Variants in MARCO observed in about 807,000 individuals in gnomAD.
MARCO encodes the protein macrophage receptor MARCO.
In MARCO, 72 loss-of-function variants were observed where a neutral mutation model predicts 70.0. The observed-to-expected ratio is 1.03, with a 90% CI of 0.85 to 1.25. The LOEUF (loss-of-function observed/expected upper bound fraction) is 1.25, where lower values mean the gene tolerates loss of function less well. Among genes scored for constraint, MARCO ranks in the 50% most tolerant of loss-of-function variants. The pLI is 0.00. For synonymous variants in MARCO, 273 were observed against 243.1 expected, an observed-to-expected ratio of 1.12 and a Z score of -1.14; for missense variants, 696 against 659.3, an observed-to-expected ratio of 1.06 and a Z score of -0.61.
chr2:118,953,047 TCCTATGTCCGTTGG>T (rs1679755061), intron 1 of MARCO: 1 of 152,292 alleles, frequency 6.6e-6, no homozygotes, highest in Admixed American at 6.5e-5. Flanking sequence ...TTGCTGCGTG[TCCTATGTCCGTTGG>T]CTGGAGCAGG....
intron 1 of MARCO, among the ~76,000 whole-genome samples, chr2:118,967,501 G>T (rs533263310): frequency 6.0e-4 from 91 of 152,248 alleles, no homozygotes; most frequent in Non-Finnish European, 1.0e-3. Flanking sequence ...GTTATGTGTT[G>T]TGGGGCTCAC....
chr2:118,991,624 G>C (rs886805537), intron 13 of MARCO, among the ~76,000 whole-genome samples, 153 bp from the exon 14 acceptor site: 4 of 152,218 alleles, frequency 2.6e-5, no homozygotes, highest in African/African-American at 9.6e-5. Flanking sequence ...GCAGCCCCCA[G>C]ATGGACCAAA....
chr2:118,985,655 A>T, intron 12 of MARCO, among the ~76,000 whole-genome samples: 1 of 152,240 alleles, frequency 6.6e-6, no homozygotes, highest in East Asian at 1.9e-4. Context: ...GCAGAAGAAT[A>T]ATCCAATTTT....
rs140806715 is a variant in MARCO at position 118,974,381 on chromosome 2, C to G, written c.509C>G (p.Pro170Arg). 2.0e-5 allele frequency: 32 copies of G among 1,610,842 alleles called. No homozygotes were observed. The Admixed American group carries it at 4.4e-4, about 22-fold the overall frequency. ...GAMGMPGAPG[P>R]PGPPAEKGAK... The stretch of plus-strand genomic sequence containing the variant: ...ATGGGCATGCCTGGTGCCCCTGGCC[C>G]GCCGGGACCACCTGCTGAGAAGGGA... Residue 170 changes from proline to arginine, a missense_variant, in exon 5 of 17, where the codon CCG becomes CGG. Transcript: ENST00000327097.
chr2:118,963,254 G>T (rs1285269556), intron 1 of MARCO, among the ~76,000 whole-genome samples: 1 of 151,438 alleles, frequency 6.6e-6, no homozygotes, highest in Non-Finnish European at 1.5e-5. Flanking sequence ...TTTCAGAGCT[G>T]CTTTTTTTTA....
chr2:118,954,340 C>A (rs1387448753), intron 1 of MARCO, among the ~76,000 whole-genome samples: 1 of 152,152 alleles, frequency 6.6e-6, no homozygotes, highest in Non-Finnish European at 1.5e-5. Flanking sequence ...GCAGAGGCAG[C>A]CATAATCCTT....
intron 8 of MARCO, among the ~76,000 whole-genome samples, chr2:118,979,205 A>G (rs1421958420): frequency 6.6e-6 from 1 of 152,226 alleles, no homozygotes; most frequent in Non-Finnish European, 1.5e-5. Flanking sequence ...TGTGGGAAAG[A>G]AAATGGTCTT....
intron 1 of MARCO, among the ~76,000 whole-genome samples, chr2:118,945,641 G>A (rs939289083): frequency 6.6e-6 from 1 of 151,974 alleles, no homozygotes; most frequent in Non-Finnish European, 1.5e-5. Context: ...TCCAACTCCT[G>A]ACCTCAAGTG....
rs976306031 is a variant in MARCO at position 118,988,615 on chromosome 2, T to C, written c.1064-1974T>C. ...CCCAAGACATAGTGACCTCCCTGGA[T>C]GTGGACTGTTTTCTACTTCATCACC... On this transcript the variant is annotated intron_variant, in intron 12 of 16. Transcript: ENST00000327097. 5.9e-5 allele frequency among the ~76,000 whole-genome samples: 9 copies of C among 152,148 alleles called. No homozygotes were observed. The South Asian group carries it at 1.9e-3, about 32-fold the overall frequency.
chr2:118,960,297 G>A (rs1283019699), intron 1 of MARCO, among the ~76,000 whole-genome samples: 3 of 151,960 alleles, frequency 2.0e-5, no homozygotes, highest in Non-Finnish European at 4.4e-5. Context: ...CCAGTGCTAT[G>A]TTGAATAAGA....
chr2:118,979,449 T>C (rs943287485), intron 8 of MARCO, among the ~76,000 whole-genome samples: 6 of 152,124 alleles, frequency 3.9e-5, no homozygotes, highest in Admixed American at 3.9e-4. Flanking sequence ...GGTTGGGTGG[T>C]TGACCTCTGA....
At chr2:118,959,240 C>A (rs555646740) in intron 1 of MARCO, among the ~76,000 whole-genome samples, 2 of 152,052 alleles carry the variant, frequency 1.3e-5, no homozygotes, top group Non-Finnish European at 2.9e-5. Flanking sequence ...ATCTATACAT[C>A]GGACAAAGGA....
rs370595476 is a variant in MARCO, at chr2:118,972,813, G to C, written c.460+1279G>C. 3.3e-5 allele frequency among the ~76,000 whole-genome samples: 5 copies of C among 152,120 alleles called. No homozygotes were observed. In the East Asian group the frequency reaches 5.8e-4, roughly 18 times the overall value. On this transcript the variant is annotated intron_variant, in intron 4 of 16. Coordinates refer to ENST00000327097, the MANE Select transcript of MARCO (RefSeq NM_006770.4). ...AGTTTCAACAATTTCAATTGCTTTT[G>C]CTGACAGAATCAATGCTTAAACTTC...
Position 118,977,474 on chromosome 2 carries a change from T to C in MARCO, c.617T>C (p.Leu206Pro), listed in dbSNP as rs779917227. ...GPPGVKGEAG[L>P]QGPQGAPGKQ... ...GCTCTTTTTTCCTTCCTCACAGGCC[T>C]CCAAGGACCCCAGGGTGCTCCAGGG... The change falls in exon 7 of 17, where the codon CTC (leucine) becomes CCC (proline). Residue 206 changes from leucine to proline, a missense_variant. By Grantham distance (98) the Leu-to-Pro change is moderately conservative (BLOSUM62 -3). Around this residue, in one of 3 missense-constraint regions of MARCO, gnomAD observed 605 missense variants for 537.6 expected, o/e 1.13. Coordinates refer to ENST00000327097, the MANE Select transcript of MARCO (RefSeq NM_006770.4). 18 of 1,613,796 alleles carry C rather than the reference T, an allele frequency of 1.1e-5. No individual in the cohort carries two copies. The Admixed American group carries it at 2.8e-4, about 25-fold the overall frequency.
intron 1 of MARCO, among the ~76,000 whole-genome samples, chr2:118,959,290 A>G (rs906545198): frequency 1.3e-5 from 2 of 152,176 alleles, no homozygotes; most frequent in African/African-American, 4.8e-5. Flanking sequence ...ACAAATCAGT[A>G]AGAAAAAAAA....
intron 1 of MARCO, among the ~76,000 whole-genome samples, chr2:118,967,472 C>T (rs1228304941): frequency 1.3e-5 from 2 of 152,074 alleles, no homozygotes; most frequent in Non-Finnish European, 2.9e-5. Flanking sequence ...GGGCTGAGAG[C>T]AGGGAATGAC....
chr2:118,950,323 C>A (rs1679696025), intron 1 of MARCO, among the ~76,000 whole-genome samples: 1 of 151,994 alleles, frequency 6.6e-6, no homozygotes, highest in Non-Finnish European at 1.5e-5. Context: ...TTAAGAAAAA[C>A]CTGTTGTTCT....
intron 13 of MARCO, among the ~76,000 whole-genome samples, chr2:118,991,346 T>G (rs558351007): frequency 6.6e-6 from 1 of 151,676 alleles, no homozygotes; most frequent in East Asian, 2.0e-4. Flanking sequence ...CACTGTAGCC[T>G]TGGCCTCCCG....
chr2:118,983,704 C>T (rs1421993382), intron 12 of MARCO, among the ~76,000 whole-genome samples: 1 of 152,136 alleles, frequency 6.6e-6, no homozygotes, highest in Non-Finnish European at 1.5e-5. Context: ...CAGAGTCCAT[C>T]TGACTATGAG....
Sources: gnomAD v4.1 joint callset for allele counts (sites outside exome capture counted in the v4.1 genomes callset) on GRCh38, gnomAD v4.1.1 for gene constraint, gnomAD v4.1.1 regional missense constraint, MANE v1.5 for transcripts, NCBI Gene and HGNC (gene_info 2026-07-23, HGNC 2026-07-21) for gene names.